STK3: variants seen among roughly 807,000 people sequenced by gnomAD.
STK3 encodes the protein serine/threonine-protein kinase 3.
A neutral mutation model predicts 58.0 loss-of-function variants in STK3; 41 were observed. The ratio of observed to expected loss-of-function variants is 0.71; its 90% CI spans 0.55 to 0.92. The LOEUF (loss-of-function observed/expected upper bound fraction) is 0.92, where lower values mean the gene tolerates loss of function less well. Ranked by LOEUF, STK3 falls within the 40% of genes least tolerant of loss-of-function variation. The pLI is 0.00. For missense variants in STK3, 479 were observed against 602.7 expected, an observed-to-expected ratio of 0.79 and a Z score of 2.15; for synonymous variants, 170 against 191.0, an observed-to-expected ratio of 0.89 and a Z score of 0.91.
chr8:98,819,400 G>A (rs1020976100), intron 1 of STK3, among the ~76,000 whole-genome samples: 1 of 152,080 alleles, frequency 6.6e-6, no homozygotes, highest in Middle Eastern at 3.2e-3. Context: ...TTTGTTTACC[G>A]GAAGTATTGC....
At chr8:98,794,314 C>T (rs1379842628) in intron 1 of STK3, among the ~76,000 whole-genome samples, 1 of 151,992 alleles carries the variant, frequency 6.6e-6, no homozygotes, top group Non-Finnish European at 1.5e-5. Flanking sequence ...TCCAAATAAG[C>T]ACAATCAAAA....
intron 6 of STK3, among the ~76,000 whole-genome samples, chr8:98,667,569 ACT>A (rs36093305): frequency 3.0e-4 from 45 of 152,226 alleles, no homozygotes; most frequent in African/African-American, 1.1e-3. Context: ...CTTTTAAAAA[ACT>A]TTTTTCATTA....
intron 1 of STK3, among the ~76,000 whole-genome samples, chr8:98,811,486 G>A (rs1052372658): frequency 9.0e-4 from 134 of 149,126 alleles, no homozygotes; most frequent in Non-Finnish European, 1.6e-3. Context: ...GATTATCATG[G>A]TTCTTACACA....
chr8:98,897,305 C>T (rs1332444479), intron 1 of STK3, among the ~76,000 whole-genome samples: 1 of 152,170 alleles, frequency 6.6e-6, no homozygotes, highest in Admixed American at 6.5e-5. Context: ...CGCCTGTAAT[C>T]CTAGCACTTT....
intron 3 of STK3, among the ~76,000 whole-genome samples, chr8:98,406,997 C>T (rs1818000667): frequency 6.6e-6 from 1 of 152,180 alleles, no homozygotes; most frequent in Non-Finnish European, 1.5e-5. Context: ...AGACATCTGC[C>T]TGCAGGCTAT....
chr8:98,601,218 T>A (rs980437380), intron 6 of STK3, among the ~76,000 whole-genome samples: 2 of 152,078 alleles, frequency 1.3e-5, no homozygotes, highest in Non-Finnish European at 2.9e-5. Context: ...TTAAAAATTA[T>A]ACTCGCAATT....
chr8:98,424,676 G>C (rs1818208381), intron 3 of STK3, among the ~76,000 whole-genome samples: 1 of 152,198 alleles, frequency 6.6e-6, no homozygotes, highest in Non-Finnish European at 1.5e-5. Context: ...GGAACAGAAG[G>C]AGGCGGGCAG....
chr8:98,767,305 T>C lies in STK3; in HGVS notation c.174A>G (p.Val58=). 6.2e-7 allele frequency: 1 copy of C among 1,612,288 alleles called. No individual in the cohort carries two copies. Among genetic ancestry groups the C allele is most frequent in the South Asian group, 1.1e-5 (1 of 90,822 alleles). Reference sequence around the variant, plus strand: ...TTTCCTGAAGATCTGATTCAACAGGTACTTGTTTAATTGCGACAACTTGAC... The same window carrying C: ...TTTCCTGAAGATCTGATTCAACAGGCACTTGTTTAATTGCGACAACTTGAC... The part of the protein sequence containing the change: ...ESGQVVAIKQ[V]PVESDLQEII... The change falls in exon 3 of 11, where the codon GTA becomes GTG. Residue 58 remains valine (V), a synonymous_variant. Coordinates refer to ENST00000419617, the MANE Select transcript of STK3 (RefSeq NM_006281.4).
intron 10 of STK3, among the ~76,000 whole-genome samples, chr8:98,501,355 G>A (rs1823580088): frequency 6.6e-6 from 1 of 151,824 alleles, no homozygotes; most frequent in Non-Finnish European, 1.5e-5. Flanking sequence ...TCTGTAGATT[G>A]CCTGTTCACT....
chr8:98,858,329 G>T (rs1470429899), intron 3 of STK3, among the ~76,000 whole-genome samples: 190 of 101,608 alleles, frequency 1.9e-3, no homozygotes, highest in East Asian at 7.9e-3. Flanking sequence ...TATATAGAGA[G>T]AGAGAGAGAG....
At chr8:98,867,661 C>A (rs916974967) in intron 3 of STK3, among the ~76,000 whole-genome samples, 6 of 152,122 alleles carry the variant, frequency 3.9e-5, no homozygotes, top group African/African-American at 1.4e-4. Context: ...GTTATGAGCA[C>A]AGTCTCTGGA....
At chr8:98,801,668 C>G (rs1234536870) in intron 1 of STK3, among the ~76,000 whole-genome samples, 2 of 152,114 alleles carry the variant, frequency 1.3e-5, no homozygotes, top group Non-Finnish European at 2.9e-5. Context: ...GTCCGAACAT[C>G]AGAGGGAACA....
At chr8:98,851,031 A>G (rs1309133091) in intron 3 of STK3, among the ~76,000 whole-genome samples, 1 of 151,654 alleles carries the variant, frequency 6.6e-6, no homozygotes, top group African/African-American at 2.4e-5. Flanking sequence ...CTCCTAGGAG[A>G]TTTTCTCTGC....
intron 4 of STK3, among the ~76,000 whole-genome samples, chr8:98,709,713 C>T (rs1482813299): frequency 1.3e-5 from 2 of 152,030 alleles, no homozygotes; most frequent in Non-Finnish European, 2.9e-5. Flanking sequence ...CAAATGAAAA[C>T]AGAAAAAGCA....
At chr8:98,717,667 G>C (rs559646730) in intron 4 of STK3, among the ~76,000 whole-genome samples, 1 of 152,124 alleles carries the variant, frequency 6.6e-6, no homozygotes, top group East Asian at 1.9e-4. Flanking sequence ...TCCACTTTTG[G>C]GTAAATACTC....
At chr8:98,558,872 T>C (rs868746142) in intron 8 of STK3, among the ~76,000 whole-genome samples, 2 of 152,114 alleles carry the variant, frequency 1.3e-5, no homozygotes, top group Non-Finnish European at 2.9e-5. Context: ...GATATAATTT[T>C]GTAAAATAAT....
intron 2 of STK3, among the ~76,000 whole-genome samples, chr8:98,374,248 G>A (rs1051556650): frequency 2.6e-5 from 4 of 152,210 alleles, no homozygotes; most frequent in African/African-American, 9.7e-5. Context: ...GATGCAGGCT[G>A]TCTGGTCTGA....
chr8:98,882,727 T>A (rs990018578), downstream of STK3: 2 of 152,246 alleles, frequency 1.3e-5, no homozygotes, highest in Non-Finnish European at 2.9e-5. Flanking sequence ...CCTCTTTTTT[T>A]ACTCACCAGG....
At chr8:98,552,233 A>G (rs1387946242) in intron 8 of STK3, among the ~76,000 whole-genome samples, 3 of 152,068 alleles carry the variant, frequency 2.0e-5, no homozygotes, top group Non-Finnish European at 2.9e-5. Flanking sequence ...AAAATAGCCT[A>G]CTGACTGTTC....
Sources: allele counts gnomAD v4.1 joint callset (sites outside exome capture counted in the v4.1 genomes callset), GRCh38; gene constraint gnomAD v4.1.1; transcripts MANE v1.5; gene names NCBI Gene and HGNC (gene_info 2026-07-23, HGNC 2026-07-21).